Variants in CACNA1E observed in about 807,000 individuals in gnomAD.
CACNA1E encodes the protein voltage-dependent R-type calcium channel subunit alpha-1E.
In CACNA1E, 40 loss-of-function variants were observed where a neutral mutation model predicts 259.2. The ratio of observed to expected loss-of-function variants is 0.15; its 90% CI spans 0.12 to 0.20. The LOEUF is 0.20. Among genes scored for constraint, CACNA1E ranks in the 10% least tolerant of loss-of-function variants. The pLI, the probability that CACNA1E is intolerant of heterozygous loss-of-function variation, is 1.00. For synonymous variants in CACNA1E, 1,104 were observed against 1,138.5 expected, an observed-to-expected ratio of 0.97 and a Z score of 0.61; for missense variants, 1,874 against 3,040.1, an observed-to-expected ratio of 0.62 and a Z score of 9.02.
At chr1:181,794,257 C>T (rs1661590589) in intron 45 of CACNA1E, among the ~76,000 whole-genome samples, 1 of 152,178 alleles carries the variant, frequency 6.6e-6, no homozygotes, top group East Asian at 1.9e-4. Flanking sequence ...CAGGTTTTGA[C>T]AGAGACAAGA....
intron 2 of CACNA1E, among the ~76,000 whole-genome samples, chr1:181,440,852 G>A (rs1336983517): frequency 6.6e-6 from 1 of 151,834 alleles, no homozygotes; most frequent in East Asian, 1.9e-4. Flanking sequence ...GGGTGTGGTG[G>A]CTCATGCCTA....
intron 35 of CACNA1E, among the ~76,000 whole-genome samples, chr1:181,771,070 C>G (rs1403456846): frequency 6.6e-6 from 1 of 152,152 alleles, no homozygotes; most frequent in Non-Finnish European, 1.5e-5. Context: ...ATGCTTGGAC[C>G]TTGCTGCATG....
intron 1 of CACNA1E, among the ~76,000 whole-genome samples, chr1:181,500,721 C>G (rs559446055): frequency 6.6e-6 from 1 of 152,294 alleles, no homozygotes; most frequent in South Asian, 2.1e-4. Flanking sequence ...CTTCCCTTTC[C>G]AAGCTGAGTA....
intron 6 of CACNA1E, among the ~76,000 whole-genome samples, chr1:181,642,286 C>A (rs760546890): frequency 7.2e-5 from 11 of 152,032 alleles, no homozygotes; most frequent in Non-Finnish European, 1.5e-4. Flanking sequence ...GGTTAGAGTA[C>A]TCATATTAGA....
At chr1:181,405,156 C>T (rs1207840935) in intron 1 of CACNA1E, among the ~76,000 whole-genome samples, 21 of 152,200 alleles carry the variant, frequency 1.4e-4, no homozygotes, top group Admixed American at 1.4e-3. Context: ...AACGTACTCC[C>T]TTTAAAAGAC....
At chr1:181,595,565 C>G (rs1653076602) in intron 6 of CACNA1E, among the ~76,000 whole-genome samples, 1 of 152,232 alleles carries the variant, frequency 6.6e-6, no homozygotes, top group African/African-American at 2.4e-5. Flanking sequence ...CCACTCTCCT[C>G]TCTCTGTGAC....
intron 3 of CACNA1E, among the ~76,000 whole-genome samples, chr1:181,550,713 A>C (rs991681973): frequency 6.6e-6 from 1 of 152,118 alleles, no homozygotes; most frequent in Non-Finnish European, 1.5e-5. Context: ...GCTAGAAATA[A>C]ATGCTTTTTT....
At chr1:181,470,182 A>G (rs1449412612) in intron 2 of CACNA1E, among the ~76,000 whole-genome samples, 4 of 150,926 alleles carry the variant, frequency 2.7e-5, no homozygotes, top group Non-Finnish European at 5.9e-5. Context: ...TTTTTTAGAG[A>G]TGGAGTCTCT....
chr1:181,793,565 T>C, intron 44 of CACNA1E, 100 bp from the exon 45 acceptor site: 1 of 1,326,938 alleles, frequency 7.5e-7, no homozygotes, highest in South Asian at 1.5e-5. Flanking sequence ...CAAGTCTCTC[T>C]TTTGAAAGCC....
chr1:181,517,473 C>T (rs754122670), intron 3 of CACNA1E, among the ~76,000 whole-genome samples: 8 of 152,100 alleles, frequency 5.3e-5, no homozygotes, highest in Admixed American at 1.3e-4. Flanking sequence ...CACTCTGAGT[C>T]TGCTCTGGAT....
chr1:181,588,225 A>G (rs1051136460), intron 6 of CACNA1E, among the ~76,000 whole-genome samples: 2 of 152,180 alleles, frequency 1.3e-5, no homozygotes, highest in African/African-American at 2.4e-5. Context: ...AGGCCCGCCC[A>G]CCTACCTCAC....
At chr1:181,676,258 T>C (rs905290640) in intron 7 of CACNA1E, among the ~76,000 whole-genome samples, 1 of 152,212 alleles carries the variant, frequency 6.6e-6, no homozygotes, top group Non-Finnish European at 1.5e-5. Context: ...CACAGCATCT[T>C]AGAATTATTT....
At chr1:181,478,546 A>AT (rs1286708454), upstream of CACNA1E, among the ~76,000 whole-genome samples, 1 of 152,230 alleles carries the variant, frequency 6.6e-6, no homozygotes, top group Non-Finnish European at 1.5e-5. Context: ...ACTGCTTTGC[A>AT]TAAGAGTCTA....
At chr1:181,414,492 A>G (rs895364585) in intron 2 of CACNA1E, among the ~76,000 whole-genome samples, 1 of 152,198 alleles carries the variant, frequency 6.6e-6, no homozygotes, top group Non-Finnish European at 1.5e-5. Context: ...TAGTTCGCTC[A>G]TTCATTCATT....
intron 6 of CACNA1E, among the ~76,000 whole-genome samples, chr1:181,618,215 C>T (rs987270887): frequency 2.6e-5 from 4 of 152,216 alleles, no homozygotes; most frequent in Non-Finnish European, 5.9e-5. Context: ...AAGACACCAG[C>T]GAAGAGATGG....
chr1:181,653,548 G>T (rs1246760609), intron 7 of CACNA1E, among the ~76,000 whole-genome samples: 1 of 152,140 alleles, frequency 6.6e-6, no homozygotes, highest in Non-Finnish European at 1.5e-5. Context: ...CACGAAAATG[G>T]ACTAATACAG....
At chr1:181,605,980 C>T (rs528344874) in intron 6 of CACNA1E, among the ~76,000 whole-genome samples, 3 of 152,258 alleles carry the variant, frequency 2.0e-5, no homozygotes, top group African/African-American at 7.2e-5. Flanking sequence ...CTCTCAGTGG[C>T]ATTCAACACG....
At chr1:181,438,969 C>T (rs1432925274) in intron 2 of CACNA1E, among the ~76,000 whole-genome samples, 3 of 152,142 alleles carry the variant, frequency 2.0e-5, no homozygotes, top group Non-Finnish European at 4.4e-5. Context: ...GAGGGATATG[C>T]AGTGGAGAAG....
At chr1:181,319,432 G>A (rs1196861582) in intron 1 of CACNA1E, among the ~76,000 whole-genome samples, 3 of 152,334 alleles carry the variant, frequency 2.0e-5, no homozygotes, top group African/African-American at 7.2e-5. Flanking sequence ...GCAATTCCAA[G>A]ATAAATTGCT....
Sources: allele counts gnomAD v4.1 joint callset (sites outside exome capture counted in the v4.1 genomes callset), GRCh38; gene constraint gnomAD v4.1.1; transcripts MANE v1.5; gene names NCBI Gene and HGNC (gene_info 2026-07-23, HGNC 2026-07-21).